MORN3: variants seen among roughly 807,000 people sequenced by gnomAD.
MORN3 encodes MORN repeat-containing protein 3.
A neutral mutation model predicts 34.7 loss-of-function variants in MORN3; 38 were observed. The observed-to-expected ratio is 1.10, with a 90% CI of 0.85 to 1.44. MORN3 has a LOEUF of 1.44. Among genes scored for constraint, MORN3 ranks in the 40% most tolerant of loss-of-function variants. The probability of loss-of-function intolerance (pLI) is 0.00; values close to 1 mark genes in which losing one functional copy is unlikely to be tolerated. For synonymous variants in MORN3, 109 were observed against 115.3 expected (o/e 0.95, Z 0.35); for missense variants, 311 against 321.7 (o/e 0.97, Z 0.25).
At chr12:121,664,478 G>A (rs1197857598) in intron 1 of MORN3, among the ~76,000 whole-genome samples, 1 of 152,190 alleles carries the variant, frequency 6.6e-6, no homozygotes, top group East Asian at 1.9e-4. Context: ...GATGGTTGCA[G>A]CCGGGCGAGG....
chr12:121,671,442 G>A (rs547028509), upstream of MORN3, among the ~76,000 whole-genome samples: 2 of 151,242 alleles, frequency 1.3e-5, no homozygotes, highest in African/African-American at 2.4e-5. Flanking sequence ...GAGACTTTAC[G>A]TATCATTATT....
At chr12:121,653,665 A>G (rs548673348) in intron 3 of MORN3, among the ~76,000 whole-genome samples, 1 of 152,126 alleles carries the variant, frequency 6.6e-6, no homozygotes, top group Admixed American at 6.5e-5. Context: ...ATACCACCAC[A>G]TGCAGCTACT....
At chr12:121,659,163 A>G (rs543127164) in intron 2 of MORN3, 28 bp downstream of exon 2, 67 of 1,601,812 alleles carry the variant, frequency 4.2e-5, no homozygotes, top group Non-Finnish European at 5.5e-5. Context: ...ACACACACAC[A>G]CACACCCCGG....
At position 121,648,787 on chromosome 12, in the gene MORN3, T is replaced by G. The variant is rs1293910839; in HGVS notation, c.*2864A>C. ...TTTACATTTTGAATACATAATACATTCACATGGTTCCAAACACAACACTGA... is the reference window on the plus strand; with the variant it reads ...TTTACATTTTGAATACATAATACATGCACATGGTTCCAAACACAACACTGA... On this transcript the variant is annotated 3_prime_UTR_variant, in exon 6 of 6. Coordinates refer to ENST00000355329, the MANE Select transcript of MORN3 (RefSeq NM_173855.5). 1 of 152,132 alleles carries G rather than the reference T, an allele frequency of 6.6e-6. No homozygotes were observed. The highest frequency in any genetic ancestry group is 2.4e-5 in the African/African-American group (1 of 41,438). 9.4% of individuals were successfully genotyped at this position (152,132 alleles called of 1,614,324 possible).
At chr12:121,663,466 G>A (rs1219961774) in intron 1 of MORN3, among the ~76,000 whole-genome samples, 1 of 152,154 alleles carries the variant, frequency 6.6e-6, no homozygotes, top group Non-Finnish European at 1.5e-5. Flanking sequence ...CCAAAGTGCT[G>A]GGATTACAGG....
chr12:121,653,445 A>T (rs961594687), intron 3 of MORN3, among the ~76,000 whole-genome samples, 186 bp from the exon 4 acceptor site: 8 of 151,428 alleles, frequency 5.3e-5, no homozygotes, highest in Admixed American at 1.3e-4. Context: ...CAAAAAAAAA[A>T]ATTTTTTTAA....
chr12:121,669,424 C>A lies in MORN3; in HGVS notation c.60G>T (p.Lys20Asn), dbSNP rs770953532. ...SESLWKGWDR[K>N]AQRNGLRSQV... ...GGCTCCGCAGGCCGTTCCTCTGGGC[C>A]TTCCGGTCCCACCCCTTCCACAGGG... The change falls in exon 1 of 6, where the codon AAG becomes AAT. Residue 20 changes from lysine (K) to asparagine (N), a missense_variant. Lys to Asn is a moderately conservative substitution (Grantham distance 94). Coordinates refer to ENST00000355329, the MANE Select transcript of MORN3 (RefSeq NM_173855.5). 6.2e-7 allele frequency: 1 copy of A among 1,614,138 alleles called. No homozygotes were observed. Among genetic ancestry groups the A allele is most frequent in the Non-Finnish European group, 8.5e-7 (1 of 1,179,978 alleles).
chr12:121,663,148 G>A (rs191126182), intron 1 of MORN3, among the ~76,000 whole-genome samples: 27 of 151,936 alleles, frequency 1.8e-4, no homozygotes, highest in Admixed American at 3.3e-4. Flanking sequence ...ATAATGTGAG[G>A]AGATGGATAT....
intron 2 of MORN3, 44 bp downstream of exon 2, chr12:121,659,137 GCACACACACA>G (rs57639477): frequency 2.5e-4 from 370 of 1,484,766 alleles, no homozygotes; most frequent in African/African-American, 3.7e-4. Flanking sequence ...ACACACGCGC[GCACACACACA>G]CACACACACA....
At chr12:121,670,707 G>A (rs1400271191), upstream of MORN3, among the ~76,000 whole-genome samples, 3 of 152,044 alleles carry the variant, frequency 2.0e-5, no homozygotes, top group Non-Finnish European at 4.4e-5. Context: ...TACTCAGGAG[G>A]CTGAGGCATG....
In MORN3 at chr12:121,654,262, T is replaced by TGGGGGGGGGGGGGCCGGGGGGGGGG; in HGVS notation, c.463+11_463+12insCCCCCCCCCCGGCCCCCCCCCCCCC. ...GTCGGGTGGGCGGGGCCGGCGGGGGTGGGGCACTCACTCAGGCGCAGCATG... is the reference window on the plus strand; with the variant it reads ...GTCGGGTGGGCGGGGCCGGCGGGGGTGGGGGGGGGGGGGCCGGGGGGGGGGGGGGCACTCACTCAGGCGCAGCATG... On this transcript the variant is annotated intron_variant, in intron 3 of 5. Coordinates refer to ENST00000355329, the MANE Select transcript of MORN3 (RefSeq NM_173855.5). The TGGGGGGGGGGGGGCCGGGGGGGGGG allele has an allele frequency of 6.8e-7, 1 of 1,469,634 alleles. No individual in the cohort carries two copies. The highest frequency in any genetic ancestry group is 9.0e-7 in the Non-Finnish European group (1 of 1,108,208). 91.0% of individuals were successfully genotyped at this position (1,469,634 alleles called of 1,614,324 possible). A position where few individuals can be genotyped will look rare whatever the true frequency, so the allele number is the denominator to read the frequency against.
At chr12:121,667,055 G>C (rs1421677584) in intron 1 of MORN3, among the ~76,000 whole-genome samples, 1 of 148,478 alleles carries the variant, frequency 6.7e-6, no homozygotes, top group East Asian at 2.0e-4. Context: ...CCTCCTCCCA[G>C]GTTCAAGCAA....
chr12:121,669,504 T>G lies in MORN3; in HGVS notation c.-21A>C. 1 of 1,612,050 alleles carries G rather than the reference T, an allele frequency of 6.2e-7. No homozygotes were observed. ...GGCATGGTGGCTGCTTCTGCAAGGCTGGAGGGTGCTGGAAAGGGGTTAGGG... is the reference window on the plus strand; with the variant it reads ...GGCATGGTGGCTGCTTCTGCAAGGCGGGAGGGTGCTGGAAAGGGGTTAGGG... On this transcript the variant is annotated 5_prime_UTR_variant, in exon 1 of 6. Transcript: ENST00000355329.
At chr12:121,671,874 C>A (rs1893978491), upstream of MORN3, among the ~76,000 whole-genome samples, 2 of 122,508 alleles carry the variant, frequency 1.6e-5, no homozygotes, top group African/African-American at 7.5e-5. Flanking sequence ...GAGTGAAACT[C>A]CGTCTCAAAA....
intron 2 of MORN3, among the ~76,000 whole-genome samples, chr12:121,654,639 C>T (rs1048190722): frequency 6.6e-6 from 1 of 151,858 alleles, no homozygotes; most frequent in Non-Finnish European, 1.5e-5. Flanking sequence ...ACTCTGTCAC[C>T]CAGGCTGGAG....
rs1893215853 is a variant in MORN3, at chr12:121,650,031, C to G, written c.*1620G>C. The G allele has an allele frequency of 6.6e-6, 1 of 151,922 alleles. No homozygotes were observed. The allele number at this position is 151,922 out of a possible 1,614,324, so 9.4% of individuals were successfully genotyped here. A position where few individuals can be genotyped will look rare whatever the true frequency, so the allele number is the denominator to read the frequency against. On this transcript the variant is annotated 3_prime_UTR_variant, in exon 6 of 6. Transcript: ENST00000355329. ...GAGTGGGGCTGAGGGAGGACAAAAT[C>G]CTACCCACAGTTTAAAACCACCGCC...
At position 121,650,160 on chromosome 12, in the gene MORN3, C is replaced by T. The variant is rs967719956; in HGVS notation, c.*1491G>A. The T allele has an allele frequency of 6.6e-6, 1 of 152,048 alleles. No individual in the cohort carries two copies. The highest frequency in any genetic ancestry group is 1.5e-5 in the Non-Finnish European group (1 of 68,030). The allele number at this position is 152,048 out of a possible 1,614,324, so 9.4% of individuals were successfully genotyped here. A position where few individuals can be genotyped will look rare whatever the true frequency, so the allele number is the denominator to read the frequency against. ...GACCAACAGAACAGAGTTTGGGTGA[C>T]ATTCCTGAGAACACACAGCTCCGAG... On this transcript the variant is annotated 3_prime_UTR_variant, in exon 6 of 6. Transcript: ENST00000355329.
chr12:121,656,648 A>G (rs1276244257), intron 2 of MORN3, among the ~76,000 whole-genome samples: 2 of 151,982 alleles, frequency 1.3e-5, no homozygotes, highest in African/African-American at 4.8e-5. Flanking sequence ...CCTAGCTGGG[A>G]CTACAGGTAC....
At position 121,669,492 on chromosome 12, in the gene MORN3, C is replaced by T. The variant is rs966412195; in HGVS notation, c.-9G>A. On this transcript the variant is annotated 5_prime_UTR_variant, in exon 1 of 6. Coordinates refer to ENST00000355329, the MANE Select transcript of MORN3 (RefSeq NM_173855.5). ...CACTTAGAGACTGGCATGGTGGCTGCTTCTGCAAGGCTGGAGGGTGCTGGA... is the reference window on the plus strand; with the variant it reads ...CACTTAGAGACTGGCATGGTGGCTGTTTCTGCAAGGCTGGAGGGTGCTGGA... 1.1e-5 allele frequency: 17 copies of T among 1,612,994 alleles called. No homozygotes were observed. In the African/African-American group the frequency reaches 2.3e-4, roughly 22 times the overall value.
Sources: allele counts gnomAD v4.1 joint callset (sites outside exome capture counted in the v4.1 genomes callset), GRCh38; gene constraint gnomAD v4.1.1; transcripts MANE v1.5; gene names NCBI Gene and HGNC (gene_info 2026-07-23, HGNC 2026-07-21).